Variants in PDE8B observed in about 807,000 individuals in gnomAD.
PDE8B encodes phosphodiesterase 8B, also known as high affinity cAMP-specific and IBMX-insensitive 3',5'-cyclic phosphodiesterase 8B.
Under a neutral mutation model 101.3 loss-of-function variants are expected in PDE8B, and 26 were observed. The observed-to-expected ratio is 0.26, with a 90% CI of 0.19 to 0.36. The LOEUF is 0.36. Ranked by LOEUF, PDE8B falls within the 10% of genes least tolerant of loss-of-function variation. The pLI is 1.00. For synonymous variants in PDE8B, 424 were observed against 429.3 expected (o/e 0.99, Z 0.15); for missense variants, 810 against 1,163.1 (o/e 0.70, Z 4.42).
chr5:77,408,949 C>G lies in PDE8B; in HGVS notation c.1422C>G (p.Ala474=). 6.2e-7 allele frequency: 1 copy of G among 1,613,442 alleles called. No individual in the cohort carries two copies. The highest frequency in any genetic ancestry group is 8.5e-7 in the Non-Finnish European group (1 of 1,179,370). The stretch of plus-strand genomic sequence containing the variant: ...ACAGCCCAGTCACAGTAGCGGAAGC[C>G]TTGGACAGAGTTCTAGAGATTTTAC... The part of the protein sequence containing the change: ...QENSPVTVAE[A]LDRVLEILRT... The change falls in exon 14 of 22, where the codon GCC becomes GCG. Residue 474 remains alanine (A), a synonymous_variant. Coordinates refer to ENST00000264917, the MANE Select transcript of PDE8B (RefSeq NM_003719.5).
At chr5:77,277,774 T>C (rs1203962190) in intron 1 of PDE8B, among the ~76,000 whole-genome samples, 1 of 152,220 alleles carries the variant, frequency 6.6e-6, no homozygotes, top group African/African-American at 2.4e-5. Flanking sequence ...TTATTCACAG[T>C]GAGACACTAA....
chr5:77,426,554 AAGCCAAGCCAC>A lies in PDE8B; in HGVS notation c.*3_*13del. 1 of 1,559,548 alleles carries A rather than the reference AAGCCAAGCCAC, an allele frequency of 6.4e-7. No homozygotes were observed. The highest frequency in any genetic ancestry group is 8.8e-7 in the Non-Finnish European group (1 of 1,130,416). ...GTTTGAGGCTTCCATCTGACAGCTA[AAGCCAAGCCAC>A]AGAGGGGGCCTCTTGACCGACAAAG... is the stretch of plus-strand genomic sequence containing the variant. On this transcript the variant is annotated 3_prime_UTR_variant, in exon 22 of 22. Transcript: ENST00000264917.
intron 3 of PDE8B, among the ~76,000 whole-genome samples, chr5:77,327,609 G>A (rs529176136): frequency 6.6e-6 from 1 of 152,262 alleles, no homozygotes; most frequent in South Asian, 2.1e-4. Flanking sequence ...TTCATTAGGT[G>A]CTAACTGGTA....
chr5:77,213,137 A>G (rs1000616272), intron 1 of PDE8B, among the ~76,000 whole-genome samples: 1 of 152,240 alleles, frequency 6.6e-6, no homozygotes, highest in Non-Finnish European at 1.5e-5. Flanking sequence ...ATGAGCCCCA[A>G]TTATTAGCAG....
At chr5:77,362,486 G>A (rs185679660) in intron 10 of PDE8B, among the ~76,000 whole-genome samples, 4 of 152,206 alleles carry the variant, frequency 2.6e-5, no homozygotes, top group South Asian at 4.2e-4. Context: ...CCTGACCTCC[G>A]CTTTATATCA....
chr5:77,116,225 T>TATATATATATATATATA, the PDE8B span, among the ~76,000 whole-genome samples: 1 of 22,566 alleles, frequency 4.4e-5, no homozygotes, highest in African/African-American at 2.0e-4. Context: ...TATATATATA[T>TATATATATATATATATA]TTTTTTTTTT....
the PDE8B span, among the ~76,000 whole-genome samples, chr5:77,205,158 A>T: frequency 1.3e-5 from 2 of 152,246 alleles, no homozygotes; most frequent in African/African-American, 4.8e-5. Flanking sequence ...GGTGGCCTCC[A>T]AGTTTCATGA....
intron 1 of PDE8B, among the ~76,000 whole-genome samples, chr5:77,231,093 T>G (rs1391808071): frequency 1.3e-5 from 2 of 152,246 alleles, no homozygotes; most frequent in African/African-American, 4.8e-5. Context: ...CATGGAGTCA[T>G]GCAGTGTGTG....
At chr5:77,253,772 T>C (rs1758556254) in intron 1 of PDE8B, among the ~76,000 whole-genome samples, 2 of 152,120 alleles carry the variant, frequency 1.3e-5, no homozygotes. Context: ...AGGGCAACCT[T>C]AGGTGATATC....
chr5:77,093,461 G>A, the PDE8B span, among the ~76,000 whole-genome samples: 17 of 152,076 alleles, frequency 1.1e-4, no homozygotes, highest in Non-Finnish European at 1.9e-4. Context: ...GTTCTTGGAT[G>A]TGCTTTTACT....
At chr5:77,411,979 A>G (rs1325214844) in intron 15 of PDE8B, 121 bp from the exon 16 acceptor site, 6 of 1,010,990 alleles carry the variant, frequency 5.9e-6, no homozygotes, top group Admixed American at 1.7e-5. Flanking sequence ...TTGAAGTTCA[A>G]TAACAGAAAA....
chr5:77,293,839 G>A (rs1443210203), intron 1 of PDE8B, among the ~76,000 whole-genome samples: 3 of 152,194 alleles, frequency 2.0e-5, no homozygotes, highest in Non-Finnish European at 2.9e-5. Flanking sequence ...ATGATGGCAA[G>A]CATCTTCTTT....
intron 18 of PDE8B, 66 bp downstream of exon 18, chr5:77,418,512 C>A: frequency 1.8e-6 from 2 of 1,107,116 alleles, no homozygotes; most frequent in Non-Finnish European, 2.7e-6. Context: ...AAATACTTAG[C>A]TTCCTCTTAG....
chr5:77,104,019 C>T, the PDE8B span, among the ~76,000 whole-genome samples: 22 of 152,142 alleles, frequency 1.4e-4, no homozygotes, highest in Non-Finnish European at 2.9e-4. Flanking sequence ...TTCCTTGCAC[C>T]CTTCTTCCCC....
chr5:77,156,718 T>C, the PDE8B span, among the ~76,000 whole-genome samples: 5 of 151,884 alleles, frequency 3.3e-5, no homozygotes, highest in African/African-American at 9.7e-5. Context: ...GCTATCACCA[T>C]AGGGGAGGCA....
chr5:77,264,508 G>T (rs1761282945), intron 1 of PDE8B, among the ~76,000 whole-genome samples: 1 of 152,130 alleles, frequency 6.6e-6, no homozygotes, highest in African/African-American at 2.4e-5. Context: ...GGCATGGCAT[G>T]AACCAGTAAT....
At chr5:77,301,376 T>A (rs1769896727) in intron 1 of PDE8B, among the ~76,000 whole-genome samples, 1 of 152,224 alleles carries the variant, frequency 6.6e-6, no homozygotes, top group South Asian at 2.1e-4. Context: ...TTACCAGAAC[T>A]GCTGACCATG....
the PDE8B span, among the ~76,000 whole-genome samples, chr5:77,150,738 T>G: frequency 1.3e-5 from 2 of 152,302 alleles, no homozygotes; most frequent in South Asian, 4.1e-4. Context: ...ACTGAGCACC[T>G]TCCAGGTTAT....
At chr5:77,414,726 G>A (rs191871403) in intron 17 of PDE8B, among the ~76,000 whole-genome samples, 256 of 151,946 alleles carry the variant, frequency 1.7e-3, no homozygotes, top group African/African-American at 5.7e-3. Context: ...CACTGCGCCC[G>A]GCCTATGCTC....
Sources: allele counts gnomAD v4.1 joint callset (sites outside exome capture counted in the v4.1 genomes callset), GRCh38; gene constraint gnomAD v4.1.1; transcripts MANE v1.5; gene names NCBI Gene and HGNC (gene_info 2026-07-23, HGNC 2026-07-21).